Variants in PLXDC2 observed in about 807,000 individuals in gnomAD.
PLXDC2 encodes the protein plexin domain containing 2.
In PLXDC2, 40 loss-of-function variants were observed where a neutral mutation model predicts 68.9. The observed-to-expected ratio is 0.58, with a 90% confidence interval of 0.45 to 0.76. The LOEUF is 0.76. PLXDC2 is among the 30% of genes least tolerant of loss of function. The probability of loss-of-function intolerance (pLI) is 0.00; values close to 1 mark genes in which losing one functional copy is unlikely to be tolerated. For synonymous variants in PLXDC2, 243 were observed against 234.2 expected, an observed-to-expected ratio of 1.04 and a Z score of -0.34; for missense variants, 644 against 661.9, an observed-to-expected ratio of 0.97 and a Z score of 0.30.
At chr10:19,830,303 G>A (rs1836663691) in intron 1 of PLXDC2, among the ~76,000 whole-genome samples, 1 of 152,062 alleles carries the variant, frequency 6.6e-6, no homozygotes, top group Non-Finnish European at 1.5e-5. Context: ...CCACACTCAG[G>A]GACTTGAGTT....
chr10:20,045,653 C>T (rs1194908719), intron 2 of PLXDC2, among the ~76,000 whole-genome samples: 6 of 151,848 alleles, frequency 4.0e-5, no homozygotes, highest in Admixed American at 3.9e-4. Flanking sequence ...AAAAAAAATA[C>T]ATGGGATTCA....
intron 1 of PLXDC2, among the ~76,000 whole-genome samples, chr10:19,891,681 C>A (rs561547948): frequency 1.3e-5 from 2 of 152,124 alleles, no homozygotes; most frequent in South Asian, 2.1e-4. Context: ...ACCTCTGGAG[C>A]GATTATAAAG....
rs148665640 is a variant in PLXDC2 at position 19,889,854 on chromosome 10, A to C, written c.112+72663A>C. Among the ~76,000 whole-genome samples the C allele has an allele frequency of 7.2e-5, 11 of 152,186 alleles. No individual in the cohort carries two copies. In the East Asian group the frequency reaches 2.1e-3, roughly 29 times the overall value. On this transcript the variant is annotated intron_variant, in intron 1 of 13. Transcript: ENST00000377252. ...GGCTAATCGTGTAGGCACTGGGTTA[A>C]GTCTTTCTCTGAATTTTCTCACTGA...
intron 4 of PLXDC2, among the ~76,000 whole-genome samples, chr10:20,077,937 C>T (rs1294995356): frequency 1.3e-5 from 2 of 152,128 alleles, no homozygotes; most frequent in East Asian, 1.9e-4. Context: ...TCCTCCTTCT[C>T]CCCTTCTTTT....
At chr10:20,239,529 C>G (rs1835485506) in intron 12 of PLXDC2, among the ~76,000 whole-genome samples, 1 of 152,148 alleles carries the variant, frequency 6.6e-6, no homozygotes, top group Non-Finnish European at 1.5e-5. Context: ...GTGCCACTTT[C>G]AAACCATCAG....
At chr10:19,848,982 A>G (rs748322379) in intron 1 of PLXDC2, among the ~76,000 whole-genome samples, 3 of 152,124 alleles carry the variant, frequency 2.0e-5, no homozygotes, top group Non-Finnish European at 4.4e-5. Flanking sequence ...ATCCCTGTTA[A>G]TGTCCTATTA....
chr10:19,942,118 T>A (rs1833830049), intron 1 of PLXDC2, among the ~76,000 whole-genome samples: 1 of 152,210 alleles, frequency 6.6e-6, no homozygotes, highest in Non-Finnish European at 1.5e-5. Context: ...GACTATTTTG[T>A]AAAGATAGTG....
chr10:19,961,999 G>T (rs181025539), intron 1 of PLXDC2, among the ~76,000 whole-genome samples: 4 of 152,260 alleles, frequency 2.6e-5, no homozygotes, highest in Non-Finnish European at 5.9e-5. Flanking sequence ...GAAAGAAAAT[G>T]ATACTGAATG....
At chr10:20,121,916 A>G (rs940172660) in intron 4 of PLXDC2, among the ~76,000 whole-genome samples, 1 of 152,130 alleles carries the variant, frequency 6.6e-6, no homozygotes, top group Non-Finnish European at 1.5e-5. Flanking sequence ...TATTGGCATC[A>G]ATCGGGGTAA....
chr10:20,221,372 A>G (rs756947063), intron 12 of PLXDC2, among the ~76,000 whole-genome samples: 2 of 152,230 alleles, frequency 1.3e-5, no homozygotes, highest in African/African-American at 2.4e-5. Flanking sequence ...TATACTAGAG[A>G]GTCAACTGTT....
intron 4 of PLXDC2, among the ~76,000 whole-genome samples, chr10:20,123,246 G>T (rs913551760): frequency 2.0e-5 from 3 of 152,072 alleles, no homozygotes; most frequent in African/African-American, 4.8e-5. Context: ...GGTCAGATGG[G>T]TCTGTAGAAA....
At chr10:20,131,696 G>A (rs570269210) in intron 4 of PLXDC2, among the ~76,000 whole-genome samples, 1 of 152,146 alleles carries the variant, frequency 6.6e-6, no homozygotes, top group African/African-American at 2.4e-5. Flanking sequence ...CACTGCACCC[G>A]GCCACTTACA....
chr10:20,033,107 C>T (rs1418175597), intron 2 of PLXDC2, among the ~76,000 whole-genome samples: 2 of 151,526 alleles, frequency 1.3e-5, no homozygotes, highest in East Asian at 1.9e-4. Context: ...GGGTGCAGCA[C>T]ACCAACATGG....
intron 2 of PLXDC2, among the ~76,000 whole-genome samples, chr10:20,026,531 G>T (rs78346964): frequency 6.6e-6 from 1 of 152,198 alleles, no homozygotes; most frequent in East Asian, 1.9e-4. Flanking sequence ...TAAGGATAAA[G>T]TACGATGGAT....
rs1372028033 is a variant in PLXDC2, at chr10:20,284,668, GAT to G, written c.*4853_*4854del. The G allele has an allele frequency of 1.3e-5, 2 of 152,028 alleles. No individual in the cohort carries two copies. Among genetic ancestry groups the G allele is most frequent in the Middle Eastern group, 3.2e-3 (1 of 316 alleles). The allele number at this position is 152,028 out of a possible 1,614,324, so 9.4% of individuals were successfully genotyped here. ...AGATAAGTAAACTGAGGCCCAAAGA[GAT>G]ATAGTAATAGTCCCAGTGTCAGTAA... On this transcript the variant is annotated 3_prime_UTR_variant, in exon 14 of 14. Transcript: ENST00000377252.
chr10:20,205,827 G>A (rs1401981175), intron 9 of PLXDC2, among the ~76,000 whole-genome samples: 3 of 152,026 alleles, frequency 2.0e-5, no homozygotes, highest in African/African-American at 7.2e-5. Flanking sequence ...GGCTTAGAAA[G>A]GGAAAATAAG....
chr10:20,234,904 G>A (rs532977357), intron 12 of PLXDC2, among the ~76,000 whole-genome samples: 2 of 152,140 alleles, frequency 1.3e-5, no homozygotes, highest in Admixed American at 1.3e-4. Context: ...CTGCTTCCTT[G>A]GGAGATCCAA....
intron 1 of PLXDC2, among the ~76,000 whole-genome samples, chr10:19,873,527 C>G (rs1002348181): frequency 6.8e-6 from 1 of 147,994 alleles, no homozygotes; most frequent in African/African-American, 2.5e-5. Context: ...TCTCTCCATT[C>G]TCTCTCCTCT....
chr10:20,272,719 T>C lies in PLXDC2; in HGVS notation c.1474-6984T>C, dbSNP rs7093059. ...TGTTATTATCACCATGTACTAAAAATTCTAAACTCTGTTAGTGATAAAATA... is the reference window on the plus strand; with the variant it reads ...TGTTATTATCACCATGTACTAAAAACTCTAAACTCTGTTAGTGATAAAATA... On this transcript the variant is annotated intron_variant, in intron 13 of 13. Coordinates refer to ENST00000377252, the MANE Select transcript of PLXDC2 (RefSeq NM_032812.9). 9.3e-3 allele frequency among the ~76,000 whole-genome samples: 1,422 copies of C among 152,346 alleles called. 18 individuals are homozygous for C. The highest frequency in any genetic ancestry group is 0.029 in the African/African-American group (1,207 of 41,586).
Sources: gnomAD v4.1 joint callset for allele counts (sites outside exome capture counted in the v4.1 genomes callset) on GRCh38, gnomAD v4.1.1 for gene constraint, MANE v1.5 for transcripts, NCBI Gene and HGNC (gene_info 2026-07-23, HGNC 2026-07-21) for gene names.